The following RBPJ variants were observed in gnomAD, a reference collection of about 807,000 sequenced individuals.
The protein encoded by RBPJ is recombining binding protein suppressor of hairless.
Under a neutral mutation model 67.8 loss-of-function variants are expected in RBPJ, and 9 were observed. The ratio of observed to expected loss-of-function variants is 0.13; its 90% CI spans 0.08 to 0.23. The LOEUF is 0.23. Among genes scored for constraint, RBPJ ranks in the 10% least tolerant of loss-of-function variants. The probability of loss-of-function intolerance (pLI) is 1.00; values close to 1 mark genes in which losing one functional copy is unlikely to be tolerated. For synonymous variants in RBPJ, 198 were observed against 203.3 expected (o/e 0.97, Z 0.22); for missense variants, 305 against 595.6 (o/e 0.51, Z 5.08).
chr4:26,272,635 T>C, intron 1 of RBPJ: 1 of 446,074 alleles, frequency 2.2e-6, no homozygotes. Flanking sequence ...TGGTTGCAGA[T>C]GAACTTGCAT....
At chr4:26,329,567 G>T (rs1724009415) in intron 1 of RBPJ, among the ~76,000 whole-genome samples, 1 of 152,098 alleles carries the variant, frequency 6.6e-6, no homozygotes, top group Non-Finnish European at 1.5e-5. Context: ...ATACCTCATG[G>T]TATTGATGTG....
At chr4:26,358,154 A>G (rs940179168) in intron 1 of RBPJ, among the ~76,000 whole-genome samples, 2 of 152,048 alleles carry the variant, frequency 1.3e-5, no homozygotes, top group Non-Finnish European at 2.9e-5. Context: ...ATATAGATCC[A>G]TTGTTACAAA....
intron 1 of RBPJ, among the ~76,000 whole-genome samples, chr4:26,304,884 T>C (rs1722185538): frequency 2.6e-5 from 4 of 152,140 alleles, no homozygotes; most frequent in Non-Finnish European, 5.9e-5. Context: ...AATTTGTTGC[T>C]TGGGTTTTTG....
At chr4:26,329,182 G>A (rs551246461) in intron 1 of RBPJ, among the ~76,000 whole-genome samples, 5 of 152,192 alleles carry the variant, frequency 3.3e-5, no homozygotes, top group African/African-American at 4.8e-5. Context: ...CAGTAGAGAC[G>A]GGGTTTCTCC....
intron 1 of RBPJ, among the ~76,000 whole-genome samples, chr4:26,284,659 GGGCTTCGCCATGTCGGCCA>G (rs755055951): frequency 1.7e-4 from 25 of 151,400 alleles, no homozygotes; most frequent in Non-Finnish European, 3.2e-4. Flanking sequence ...GGTGGAGATG[GGGCTTCGCCATGTCGGCCA>G]GGCTGGTCTC....
chr4:26,165,712 CTT>C (rs67295097), intron 1 of RBPJ, among the ~76,000 whole-genome samples: 3 of 148,968 alleles, frequency 2.0e-5, no homozygotes, highest in Non-Finnish European at 4.5e-5. Context: ...CATTTTTTTT[CTT>C]TTTTTTTTAT....
At chr4:26,396,339 A>G (rs1445332904) in intron 2 of RBPJ, among the ~76,000 whole-genome samples, 2 of 152,220 alleles carry the variant, frequency 1.3e-5, no homozygotes, top group Non-Finnish European at 2.9e-5. Flanking sequence ...ACATGTTTAT[A>G]GGGCATCTTG....
At chr4:26,209,561 C>G in intron 1 of RBPJ, among the ~76,000 whole-genome samples, 1 of 120,404 alleles carries the variant, frequency 8.3e-6, no homozygotes, top group Non-Finnish European at 1.8e-5. Flanking sequence ...TTCCCTGTCT[C>G]CCTCCCTTCC....
intron 1 of RBPJ, among the ~76,000 whole-genome samples, chr4:26,327,172 C>T (rs1723715733): frequency 6.6e-6 from 1 of 152,122 alleles, no homozygotes; most frequent in Admixed American, 6.5e-5. Context: ...AGACCTGCTG[C>T]TTAAGGGAAT....
intron 1 of RBPJ, among the ~76,000 whole-genome samples, chr4:26,231,147 A>G (rs1011550080): frequency 6.6e-6 from 1 of 152,206 alleles, no homozygotes; most frequent in Non-Finnish European, 1.5e-5. Context: ...CAATTTCAAC[A>G]TTTTAACTGT....
chr4:26,148,434 A>G, the RBPJ span, among the ~76,000 whole-genome samples: 1 of 152,162 alleles, frequency 6.6e-6, no homozygotes, highest in African/African-American at 2.4e-5. Flanking sequence ...CACAGAGAGG[A>G]TGTATACACA....
At chr4:26,135,528 A>T in the RBPJ span, among the ~76,000 whole-genome samples, 7 of 151,998 alleles carry the variant, frequency 4.6e-5, no homozygotes, top group East Asian at 9.7e-4. Flanking sequence ...GCCCAAGGTC[A>T]TAAATCCTGC....
chr4:26,368,391 G>T (rs1728828030), intron 1 of RBPJ, among the ~76,000 whole-genome samples: 1 of 151,958 alleles, frequency 6.6e-6, no homozygotes, highest in Non-Finnish European at 1.5e-5. Flanking sequence ...TAAGAGGATT[G>T]CTTTTTTTCC....
At chr4:26,268,580 C>T (rs960245823) in intron 1 of RBPJ, among the ~76,000 whole-genome samples, 1 of 152,216 alleles carries the variant, frequency 6.6e-6, no homozygotes, top group Non-Finnish European at 1.5e-5. Flanking sequence ...GCATTATTTG[C>T]TCCTTCAGCC....
chr4:26,131,137 C>T, the RBPJ span, among the ~76,000 whole-genome samples: 3 of 152,148 alleles, frequency 2.0e-5, no homozygotes, highest in Admixed American at 1.3e-4. Context: ...ATTTACATAT[C>T]GAGGCTCCCT....
the RBPJ span, among the ~76,000 whole-genome samples, chr4:26,129,723 A>G: frequency 6.6e-6 from 1 of 152,042 alleles, no homozygotes; most frequent in African/African-American, 2.4e-5. Context: ...TATAATGGCA[A>G]CCCGGCCTGT....
At chr4:26,174,486 T>A (rs2109121828) in intron 1 of RBPJ, among the ~76,000 whole-genome samples, 1 of 152,290 alleles carries the variant, frequency 6.6e-6, no homozygotes, top group African/African-American at 2.4e-5. Flanking sequence ...ATTTATTTAT[T>A]TGAGATGGAG....
chr4:26,204,171 C>T (rs1000492825), intron 1 of RBPJ, among the ~76,000 whole-genome samples: 1 of 152,170 alleles, frequency 6.6e-6, no homozygotes, highest in African/African-American at 2.4e-5. Context: ...TGGTCTTAAA[C>T]TCCTGGGCTC....
chr4:26,152,662 G>A, the RBPJ span, among the ~76,000 whole-genome samples: 1 of 152,218 alleles, frequency 6.6e-6, no homozygotes, highest in Non-Finnish European at 1.5e-5. Context: ...CAGCTTGTAA[G>A]GAGCAGATCC....
Sources: gnomAD v4.1 joint callset for allele counts (sites outside exome capture counted in the v4.1 genomes callset) on GRCh38, gnomAD v4.1.1 for gene constraint, MANE v1.5 for transcripts, NCBI Gene and HGNC (gene_info 2026-07-23, HGNC 2026-07-21) for gene names.